The following RPS6KA3 variants were observed in gnomAD, a reference collection of about 807,000 sequenced individuals.
The protein encoded by RPS6KA3 is ribosomal protein S6 kinase alpha-3.
In RPS6KA3, 4 loss-of-function variants were observed where a neutral mutation model predicts 67.2. That is an observed-to-expected ratio of 0.06 (90% CI 0.03 to 0.14). The LOEUF is 0.14. Ranked by LOEUF, RPS6KA3 falls within the 10% of genes least tolerant of loss-of-function variation. RPS6KA3 has a pLI of 1.00. For missense variants in RPS6KA3, 204 were observed against 559.0 expected, an observed-to-expected ratio of 0.36 and a Z score of 6.40; for synonymous variants, 182 against 183.7, an observed-to-expected ratio of 0.99 and a Z score of 0.07.
chrX:20,240,232 G>A (rs1241714620), intron 1 of RPS6KA3, among the ~76,000 whole-genome samples: 3 of 103,630 alleles, frequency 2.9e-5, no homozygotes, highest in Non-Finnish European at 5.9e-5. Context: ...AAGATCCAGA[G>A]CCCTAGTATA....
intron 10 of RPS6KA3, among the ~76,000 whole-genome samples, chrX:20,178,566 G>C (rs150619509): frequency 0.067 from 6,763 of 100,841 alleles, 703 homozygotes; most frequent in African/African-American, 0.24. Context: ...TCTGCCTTCT[G>C]GGTTCAAGGG....
intron 17 of RPS6KA3, 79 bp downstream of exon 17, chrX:20,167,510 G>A: frequency 1.1e-6 from 1 of 951,401 alleles, no homozygotes; most frequent in East Asian, 3.1e-5. Flanking sequence ...CAGGCATAAA[G>A]TAATTTCTAT....
chrX:20,166,039 T>C (rs2067428285), intron 17 of RPS6KA3, among the ~76,000 whole-genome samples: 1 of 112,396 alleles, frequency 8.9e-6, no homozygotes, highest in Non-Finnish European at 1.9e-5. Flanking sequence ...AACAATATAC[T>C]GTAATAAAAG....
At chrX:20,187,997 C>T in intron 8 of RPS6KA3, 27 bp from the exon 9 acceptor site, 1 of 1,179,998 alleles carries the variant, frequency 8.5e-7, no homozygotes, top group African/African-American at 1.8e-5. Flanking sequence ...CATAAATATC[C>T]TACATAAATT....
chrX:20,256,072 T>C (rs2147067747), intron 1 of RPS6KA3, among the ~76,000 whole-genome samples: 1 of 100,551 alleles, frequency 9.9e-6, no homozygotes, highest in African/African-American at 3.7e-5. Flanking sequence ...ATTGAGCCAC[T>C]GAACTCCAGC....
intron 1 of RPS6KA3, among the ~76,000 whole-genome samples, chrX:20,258,972 G>C (rs1339734441): frequency 3.6e-5 from 4 of 111,605 alleles, no homozygotes; most frequent in Non-Finnish European, 5.7e-5. Context: ...ATCTTCAAGA[G>C]AGGAAGGTAA....
intron 2 of RPS6KA3, among the ~76,000 whole-genome samples, chrX:20,225,595 C>T (rs1184232944): frequency 9.0e-6 from 1 of 111,112 alleles, no homozygotes; most frequent in Admixed American, 9.6e-5. Context: ...CAAATTTTCC[C>T]TGCCAATGAG....
At chrX:20,209,501 A>AATTAGAAATCAATCTAATTTCTAAACAT (rs1339586332) in intron 2 of RPS6KA3, 97 bp from the exon 3 acceptor site, 1 of 515,545 alleles carries the variant, frequency 1.9e-6, no homozygotes, top group African/African-American at 2.4e-5. Flanking sequence ...ACTAGAAATT[A>AATTAGAAATCAATCTAATTTCTAAACAT]ATTAGAAATC....
intron 2 of RPS6KA3, among the ~76,000 whole-genome samples, chrX:20,223,524 A>T (rs890814550): frequency 1.8e-5 from 2 of 111,966 alleles, no homozygotes; most frequent in Non-Finnish European, 3.8e-5. Flanking sequence ...CATTTCACCA[A>T]CTTTCATATT....
At chrX:20,209,180 C>T in intron 3 of RPS6KA3, 108 bp downstream of exon 3, 1 of 535,001 alleles carries the variant, frequency 1.9e-6, no homozygotes, top group South Asian at 2.5e-5. Context: ...GAAAACATTG[C>T]TGGTAGGAAG....
intron 2 of RPS6KA3, 134 bp downstream of exon 2, chrX:20,234,624 T>C (rs750879510): frequency 2.0e-6 from 1 of 503,216 alleles, no homozygotes; most frequent in African/African-American, 2.3e-5. Context: ...AATAATGTAG[T>C]CTGGTAAAGT....
intron 1 of RPS6KA3, among the ~76,000 whole-genome samples, chrX:20,261,671 A>G (rs1241508374): frequency 8.9e-6 from 1 of 112,531 alleles, no homozygotes; most frequent in African/African-American, 3.2e-5. Flanking sequence ...ACACACACAG[A>G]CACACACACA....
At position 20,155,369 on chromosome X, in the gene RPS6KA3, A is replaced by T; in HGVS notation, c.*29T>A. 8.3e-7 allele frequency: 1 copy of T among 1,202,708 alleles called. No individual in the cohort carries two copies. Among genetic ancestry groups the T allele is most frequent in the Non-Finnish European group, 1.1e-6 (1 of 887,960 alleles). The stretch of plus-strand genomic sequence containing the variant: ...AGAACTTGTGCTATCAGCTTACACC[A>T]TGGTACCAAATATCTCACTGAGGTC... On this transcript the variant is annotated 3_prime_UTR_variant, in exon 22 of 22. Coordinates refer to ENST00000379565, the MANE Select transcript of RPS6KA3 (RefSeq NM_004586.3).
intron 10 of RPS6KA3, among the ~76,000 whole-genome samples, chrX:20,183,164 T>C: frequency 9.0e-6 from 1 of 111,324 alleles, no homozygotes; most frequent in East Asian, 2.8e-4. Context: ...ATGATTTTTA[T>C]GTATGGTGGA....
At chrX:20,255,030 T>C (rs892542937) in intron 1 of RPS6KA3, among the ~76,000 whole-genome samples, 18 of 112,369 alleles carry the variant, frequency 1.6e-4, no homozygotes, top group Non-Finnish European at 3.2e-4. Flanking sequence ...AAAAACTTAA[T>C]ACGAATGTTC....
intron 20 of RPS6KA3, among the ~76,000 whole-genome samples, chrX:20,159,512 A>G (rs1356036990): frequency 1.8e-5 from 2 of 112,069 alleles, no homozygotes; most frequent in Admixed American, 9.5e-5. Flanking sequence ...TTAACTGTAC[A>G]TATTAGCAAC....
intron 2 of RPS6KA3, chrX:20,219,013 T>C (rs778638851): frequency 3.9e-5 from 16 of 409,746 alleles, no homozygotes; most frequent in Non-Finnish European, 6.8e-5. Flanking sequence ...TTTCCTGTGG[T>C]AAAAGAAAGA....
chrX:20,200,100 A>G (rs1260549143), intron 4 of RPS6KA3, among the ~76,000 whole-genome samples: 1 of 112,321 alleles, frequency 8.9e-6, no homozygotes, highest in Non-Finnish European at 1.9e-5. Flanking sequence ...AATACAGAAA[A>G]GAAGTGAAGG....
At chrX:20,223,015 C>T (rs954992171) in intron 2 of RPS6KA3, among the ~76,000 whole-genome samples, 1 of 111,538 alleles carries the variant, frequency 9.0e-6, no homozygotes, top group African/African-American at 3.3e-5. Flanking sequence ...GGAATGAGTG[C>T]TAAGTTTTGT....
Sources: gnomAD v4.1 joint callset for allele counts (sites outside exome capture counted in the v4.1 genomes callset) on GRCh38, gnomAD v4.1.1 for gene constraint, MANE v1.5 for transcripts, NCBI Gene and HGNC (gene_info 2026-07-23, HGNC 2026-07-21) for gene names.